The following GEMIN8 variants were observed in gnomAD, a reference collection of about 807,000 sequenced individuals.
GEMIN8 encodes gem nuclear organelle associated protein 8, also known as gem-associated protein 8.
For synonymous variants in GEMIN8, 80 were observed against 78.5 expected (o/e 1.02, Z -0.10); for missense variants, 185 against 205.9 (o/e 0.90, Z 0.62).
the GEMIN8 span, among the ~76,000 whole-genome samples, chrX:13,999,507 C>T: frequency 9.0e-6 from 1 of 110,816 alleles, no homozygotes; most frequent in African/African-American, 3.3e-5. Flanking sequence ...AACTCTTGAC[C>T]TCAGGTAATC....
At chrX:14,011,109 C>T (rs1923504297) in intron 4 of GEMIN8, among the ~76,000 whole-genome samples, 1 of 112,029 alleles carries the variant, frequency 8.9e-6, no homozygotes, top group African/African-American at 3.2e-5. Context: ...AGGGTGAAAG[C>T]CCCGCTGGGG....
intron 4 of GEMIN8, among the ~76,000 whole-genome samples, chrX:14,011,858 T>A (rs1413930928): frequency 9.0e-6 from 1 of 111,064 alleles, no homozygotes; most frequent in African/African-American, 3.3e-5. Context: ...CTTTTCCTTA[T>A]AATTTAAAAT....
the GEMIN8 span, among the ~76,000 whole-genome samples, chrX:13,990,607 T>C: frequency 5.3e-5 from 6 of 112,784 alleles, no homozygotes; most frequent in African/African-American, 1.6e-4. Context: ...TCTCCAGGCA[T>C]GGCCATAATG....
chrX:14,026,436 G>C (rs1464302533), intron 1 of GEMIN8: 1 of 734,631 alleles, frequency 1.4e-6, no homozygotes, highest in Middle Eastern at 7.7e-4. Flanking sequence ...AGGCCTATAG[G>C]CAAGGCAGAG....
chrX:14,023,368 C>T (rs748353985), intron 2 of GEMIN8, among the ~76,000 whole-genome samples: 1 of 109,876 alleles, frequency 9.1e-6, no homozygotes, highest in African/African-American at 3.3e-5. Context: ...TCACTAGAAC[C>T]AGGTTTTATA....
intron 4 of GEMIN8, among the ~76,000 whole-genome samples, chrX:14,018,678 C>A (rs1190664178): frequency 3.6e-5 from 4 of 110,905 alleles, no homozygotes; most frequent in Non-Finnish European, 5.7e-5. Context: ...CAAAAGTATT[C>A]TGTGTGTAAT....
intron 2 of GEMIN8, among the ~76,000 whole-genome samples, chrX:14,025,403 T>C (rs1190990229): frequency 9.0e-6 from 1 of 111,148 alleles, no homozygotes; most frequent in Non-Finnish European, 1.9e-5. Context: ...CTTCCTGAAG[T>C]ACAAAAAACA....
downstream of GEMIN8, among the ~76,000 whole-genome samples, chrX:14,003,251 T>C (rs147495092): frequency 5.2e-3 from 581 of 112,720 alleles, 6 homozygotes; most frequent in Admixed American, 7.7e-3. Context: ...TTCCACTTCC[T>C]GTGAATGTGG....
intron 4 of GEMIN8, among the ~76,000 whole-genome samples, chrX:14,019,001 T>C (rs1471128681): frequency 9.0e-6 from 1 of 111,484 alleles, no homozygotes; most frequent in African/African-American, 3.3e-5. Context: ...AGTAGTTTAG[T>C]GAAGAATCAC....
the GEMIN8 span, among the ~76,000 whole-genome samples, chrX:14,001,200 C>A: frequency 8.9e-6 from 1 of 112,221 alleles, no homozygotes; most frequent in Admixed American, 9.5e-5. Flanking sequence ...CTGATTTCAA[C>A]TGTTGCCTCT....
intron 4 of GEMIN8, among the ~76,000 whole-genome samples, chrX:14,009,927 A>T (rs1923424149): frequency 8.9e-6 from 1 of 112,490 alleles, no homozygotes; most frequent in African/African-American, 3.2e-5. Flanking sequence ...ATGATTGATT[A>T]TCCTTCCACA....
At chrX:13,990,372 G>A in the GEMIN8 span, among the ~76,000 whole-genome samples, 1 of 112,956 alleles carries the variant, frequency 8.9e-6, no homozygotes, top group African/African-American at 3.2e-5. Flanking sequence ...GGGAACAGAT[G>A]TACAGCATGT....
intron 3 of GEMIN8, 25 bp from the exon 4 acceptor site, chrX:14,020,559 G>A (rs764117599): frequency 1.0e-6 from 1 of 958,292 alleles, no homozygotes; most frequent in East Asian, 3.1e-5. Flanking sequence ...GAGGTGGAGG[G>A]TGGACACCAA....
At chrX:14,006,116 C>T (rs960188960), downstream of GEMIN8, among the ~76,000 whole-genome samples, 1 of 108,710 alleles carries the variant, frequency 9.2e-6, no homozygotes, top group Admixed American at 9.8e-5. Context: ...GCAACCTCTG[C>T]CTCCTGGGTT....
chrX:14,014,201 T>C, intron 4 of GEMIN8: 2 of 750,935 alleles, frequency 2.7e-6, no homozygotes, highest in Non-Finnish European at 3.1e-6. Flanking sequence ...GACTAGTACA[T>C]CTTTCTGATT....
downstream of GEMIN8, among the ~76,000 whole-genome samples, chrX:14,002,329 TGATAGATAGATA>T (rs58599457): frequency 0.033 from 3,309 of 99,509 alleles, 61 homozygotes; most frequent in Non-Finnish European, 0.043. Flanking sequence ...GATAGATAGG[TGATAGATAGATA>T]GATAGATAGA....
intron 4 of GEMIN8, among the ~76,000 whole-genome samples, chrX:14,010,404 T>A (rs761743044): frequency 1.8e-5 from 2 of 111,747 alleles, no homozygotes; most frequent in East Asian, 5.6e-4. Flanking sequence ...GGAACACATA[T>A]CCACGGCTAC....
the GEMIN8 span, among the ~76,000 whole-genome samples, chrX:14,001,216 G>C: frequency 1.8e-5 from 2 of 111,762 alleles, no homozygotes; most frequent in African/African-American, 6.5e-5. Flanking sequence ...CCTCTCCCAT[G>C]CCCTGTCACT....
chrX:14,012,905 C>T (rs763229256), intron 4 of GEMIN8, among the ~76,000 whole-genome samples: 32 of 111,132 alleles, frequency 2.9e-4, no homozygotes, highest in African/African-American at 1.0e-3. Flanking sequence ...CTCTTACATT[C>T]GAATTGCTTT....
Sources: allele counts gnomAD v4.1 joint callset (sites outside exome capture counted in the v4.1 genomes callset), GRCh38; gene constraint gnomAD v4.1.1; transcripts MANE v1.5; gene names NCBI Gene and HGNC (gene_info 2026-07-23, HGNC 2026-07-21).